RIN3: variants seen among roughly 807,000 people sequenced by gnomAD.
RIN3 encodes the protein Ras and Rab interactor 3, also known as RAB5 interacting protein 3.
In RIN3, 54 loss-of-function variants were observed where a neutral mutation model predicts 76.3. The ratio of observed to expected loss-of-function variants is 0.71; its 90% CI spans 0.57 to 0.89. The LOEUF is 0.89. Among genes scored for constraint, RIN3 ranks in the 40% least tolerant of loss-of-function variants. RIN3 has a pLI of 0.00. For synonymous variants in RIN3, 576 were observed against 564.0 expected (o/e 1.02, Z -0.30); for missense variants, 1,256 against 1,322.1 (o/e 0.95, Z 0.78).
At chr14:92,591,046 A>G (rs1884960650) in intron 3 of RIN3, among the ~76,000 whole-genome samples, 1 of 152,240 alleles carries the variant, frequency 6.6e-6, no homozygotes, top group African/African-American at 2.4e-5. Flanking sequence ...AATAATTTAA[A>G]GCAACTATGA....
chr14:92,654,313 T>A lies in RIN3; in HGVS notation c.2026+1238T>A, dbSNP rs1474286929. On this transcript the variant is annotated intron_variant, in intron 6 of 9. Coordinates refer to ENST00000216487, the MANE Select transcript of RIN3 (RefSeq NM_024832.5). ...TGGGCGACAAGAGCAAAACTCTGTC[T>A]AAAAAAAAAAAAAGAAAAGAAAAGA... 6.1e-5 allele frequency among the ~76,000 whole-genome samples: 8 copies of A among 131,074 alleles called. No individual in the cohort carries two copies. The East Asian group carries it at 1.0e-3, about 17-fold the overall frequency. The allele number at this position is 131,074 out of a possible 152,430, so 86.0% of individuals were successfully genotyped here.
At chr14:92,666,471 G>A (rs571057217) in intron 7 of RIN3, among the ~76,000 whole-genome samples, 3 of 152,344 alleles carry the variant, frequency 2.0e-5, no homozygotes, top group Admixed American at 6.5e-5. Context: ...CTGGTCGAGT[G>A]TGTCTTCTCC....
intron 1 of RIN3, among the ~76,000 whole-genome samples, chr14:92,521,785 A>G (rs1896603063): frequency 6.6e-6 from 1 of 152,262 alleles, no homozygotes; most frequent in African/African-American, 2.4e-5. Context: ...ACAGAAAATA[A>G]GAGAAATATG....
At chr14:92,525,722 A>G (rs2139997878) in intron 1 of RIN3, among the ~76,000 whole-genome samples, 1 of 152,278 alleles carries the variant, frequency 6.6e-6, no homozygotes, top group South Asian at 2.1e-4. Context: ...CCCCTCAGCC[A>G]TAGACTCTCA....
chr14:92,674,494 T>C (rs1397853691), intron 7 of RIN3, among the ~76,000 whole-genome samples: 1 of 152,092 alleles, frequency 6.6e-6, no homozygotes. Flanking sequence ...TCCCAGCTAC[T>C]CAGGAGGCTG....
intron 7 of RIN3, among the ~76,000 whole-genome samples, chr14:92,662,574 A>G (rs575233317): frequency 2.0e-5 from 3 of 152,360 alleles, no homozygotes; most frequent in Admixed American, 6.5e-5. Context: ...GTGGCCCAGC[A>G]GTTGGCACTT....
chr14:92,662,855 CG>C (rs1171017587), intron 7 of RIN3, among the ~76,000 whole-genome samples: 1 of 150,308 alleles, frequency 6.7e-6, no homozygotes, highest in Admixed American at 6.6e-5. Flanking sequence ...TTTTTTAACA[CG>C]GGGTCTCTTT....
chr14:92,540,565 C>T (rs766425572), intron 1 of RIN3, among the ~76,000 whole-genome samples: 18 of 152,208 alleles, frequency 1.2e-4, no homozygotes, highest in Non-Finnish European at 1.9e-4. Flanking sequence ...ACTTCTCTTC[C>T]ATCCCCACGG....
chr14:92,608,577 C>A (rs1167145095), intron 3 of RIN3, among the ~76,000 whole-genome samples: 1 of 151,970 alleles, frequency 6.6e-6, no homozygotes, highest in African/African-American at 2.4e-5. Flanking sequence ...CTCTGTTGCC[C>A]AGGCTGGAGT....
chr14:92,569,082 C>T (rs889032312), intron 2 of RIN3, among the ~76,000 whole-genome samples: 14 of 152,220 alleles, frequency 9.2e-5, no homozygotes, highest in Non-Finnish European at 1.9e-4. Flanking sequence ...CTTCTGCCTC[C>T]GTACTGTGGA....
At chr14:92,572,877 C>CTT (rs763771909) in intron 2 of RIN3, among the ~76,000 whole-genome samples, 22,890 of 99,202 alleles carry the variant, frequency 0.23, 3,047 homozygotes, top group African/African-American at 0.26. Flanking sequence ...CTTTTTTTTG[C>CTT]TTTTTTTTTT....
chr14:92,604,979 A>T (rs1267058260), intron 3 of RIN3, among the ~76,000 whole-genome samples: 1 of 129,102 alleles, frequency 7.7e-6, no homozygotes, highest in Non-Finnish European at 1.5e-5. Context: ...CGCAGGCTGG[A>T]CCTCATTGCA....
chr14:92,536,187 C>T (rs373050839), intron 1 of RIN3, among the ~76,000 whole-genome samples: 4 of 152,164 alleles, frequency 2.6e-5, no homozygotes, highest in Admixed American at 1.3e-4. Flanking sequence ...TCAAGTGCAG[C>T]CTGGATCTTC....
intron 1 of RIN3, among the ~76,000 whole-genome samples, chr14:92,554,377 G>A (rs961237418): frequency 2.6e-5 from 4 of 152,146 alleles, no homozygotes; most frequent in African/African-American, 9.7e-5. Flanking sequence ...GAAGCCCTCA[G>A]TTTGACTTTG....
intron 4 of RIN3, among the ~76,000 whole-genome samples, chr14:92,630,778 T>C (rs1255660772): frequency 6.6e-6 from 1 of 152,146 alleles, no homozygotes; most frequent in Non-Finnish European, 1.5e-5. Flanking sequence ...AGGCCTGAGT[T>C]TGTGAGTAGC....
rs868682391 is a variant in RIN3 at position 92,579,170 on chromosome 14, C to T, written c.367+1693C>T. Among the ~76,000 whole-genome samples, 15 of 152,304 alleles carry T rather than the reference C, an allele frequency of 9.8e-5. No homozygotes were observed. In the East Asian group the frequency reaches 1.4e-3, roughly 14 times the overall value. ...CTCGAACCCCCCACCTCAGGTGATC[C>T]GCCTGCCTCAGCCTCCCTAAGTGCT... On this transcript the variant is annotated intron_variant, in intron 3 of 9. Transcript: ENST00000216487.
At position 92,556,183 on chromosome 14, in the gene RIN3, C is replaced by G. The variant is rs12587808; in HGVS notation, c.249+228C>G. On this transcript the variant is annotated intron_variant, in intron 2 of 9. Transcript: ENST00000216487. ...TTCTTTGGGGAGCAGGTGTTTGTGA[C>G]TGGAGAGCAGGTAGTGGGTGGCTTG... 0.053 allele frequency among the ~76,000 whole-genome samples: 8,060 copies of G among 152,156 alleles called. 361 individuals carry two copies. The highest frequency in any genetic ancestry group is 0.2 in the East Asian group (1,013 of 5,166).
intron 3 of RIN3, among the ~76,000 whole-genome samples, chr14:92,589,486 C>A (rs1198321943): frequency 6.6e-6 from 1 of 152,148 alleles, no homozygotes; most frequent in Non-Finnish European, 1.5e-5. Flanking sequence ...CAGCTCACAC[C>A]TGTGCAGGGA....
intron 4 of RIN3, among the ~76,000 whole-genome samples, chr14:92,638,891 C>T (rs1396131497): frequency 6.6e-6 from 1 of 152,204 alleles, no homozygotes; most frequent in Admixed American, 6.5e-5. Context: ...CACAGCCTGC[C>T]CTGTCCAACT....
Sources: allele counts gnomAD v4.1 joint callset (sites outside exome capture counted in the v4.1 genomes callset), GRCh38; gene constraint gnomAD v4.1.1; transcripts MANE v1.5; gene names NCBI Gene and HGNC (gene_info 2026-07-23, HGNC 2026-07-21).